BCOR: variants seen among roughly 807,000 people sequenced by gnomAD.
BCOR encodes the protein BCL6 corepressor, also known as BCL-6 corepressor.
In BCOR, 10 loss-of-function variants were observed where a neutral mutation model predicts 86.7. That is an observed-to-expected ratio of 0.12 (90% CI 0.07 to 0.20). BCOR has a LOEUF of 0.20. Among genes scored for constraint, BCOR ranks in the 10% least tolerant of loss-of-function variants. The pLI, the probability that BCOR is intolerant of heterozygous loss-of-function variation, is 1.00. For synonymous variants in BCOR, 611 were observed against 609.0 expected, an observed-to-expected ratio of 1.00 and a Z score of -0.05; for missense variants, 1,259 against 1,452.1, an observed-to-expected ratio of 0.87 and a Z score of 2.16.
chrX:40,156,693 A>G lies in BCOR; in HGVS notation c.-41+20314T>C, dbSNP rs192868654. Among the ~76,000 whole-genome samples the G allele has an allele frequency of 4.6e-3, 504 of 109,221 alleles. 2 individuals are homozygous for G. Among genetic ancestry groups the G allele is most frequent in the African/African-American group, 0.016 (481 of 29,738 alleles). 94.8% of individuals were successfully genotyped at this position (109,221 alleles called of 115,157 possible). The stretch of plus-strand genomic sequence containing the variant: ...CACGCAGCCCTTCGGGAGGGGAGTC[A>G]GGTTCACCTTTCCCCCTGCAACTTG... On this transcript the variant is annotated intron_variant, in intron 1 of 14. Coordinates refer to the BCOR transcript ENST00000342274.
At chrX:40,108,881 T>G in intron 1 of BCOR, among the ~76,000 whole-genome samples, 1 of 113,069 alleles carries the variant, frequency 8.8e-6, no homozygotes, top group East Asian at 2.8e-4. Flanking sequence ...TCGCTCTGGC[T>G]CCTCGGCTGC....
At chrX:40,133,171 T>G (rs1173385727) in intron 1 of BCOR, among the ~76,000 whole-genome samples, 1 of 102,742 alleles carries the variant, frequency 9.7e-6, no homozygotes, top group Non-Finnish European at 2.0e-5. Flanking sequence ...GGAGTCTCGC[T>G]CTGTCGCCCA....
rs186537965 is a variant in BCOR at position 40,056,168 on chromosome X, T to C, written c.4596-655A>G. On this transcript the variant is annotated intron_variant, in intron 11 of 14. Coordinates refer to ENST00000378444, the MANE Select transcript of BCOR (RefSeq NM_001123385.2). ...CCTAAGAAGGAAGTCAAGCCCAAAA[T>C]GAAAACATTTTCAACAAATTTAAGT... Among the ~76,000 whole-genome samples the C allele has an allele frequency of 4.7e-5, 5 of 106,670 alleles. No homozygotes were observed. In the Admixed American group the frequency reaches 5.1e-4, roughly 11 times the overall value. 92.6% of individuals were successfully genotyped at this position (106,670 alleles called of 115,157 possible). A position where few individuals can be genotyped will look rare whatever the true frequency, so the allele number is the denominator to read the frequency against.
chrX:40,122,043 A>G (rs1372115401), intron 1 of BCOR, among the ~76,000 whole-genome samples: 1 of 111,539 alleles, frequency 9.0e-6, no homozygotes, highest in Non-Finnish European at 1.9e-5. Context: ...TGCTTTCTCC[A>G]TGAACTCTTC....
Position 40,120,425 on chromosome X carries a change from C to A in BCOR, c.-40-42456G>T, listed in dbSNP as rs1196800808. Among the ~76,000 whole-genome samples the A allele has an allele frequency of 2.7e-5, 3 of 111,991 alleles. No individual in the cohort carries two copies. The Admixed American group carries it at 2.8e-4, about 11-fold the overall frequency. ...GAGAATCACCCTTGACCTCTCCAAT[C>A]CCTTCACTCCCCAAACCGACCCTTC... On this transcript the variant is annotated intron_variant, in intron 1 of 14. Transcript: ENST00000342274.
intron 1 of BCOR, among the ~76,000 whole-genome samples, chrX:40,113,087 GGATT>G (rs1466993170): frequency 9.4e-6 from 1 of 106,844 alleles, no homozygotes; most frequent in Non-Finnish European, 1.9e-5. Flanking sequence ...TCTTGGGCCT[GGATT>G]ATTATACAGG....
At chrX:40,120,285 C>T (rs1490326094) in intron 1 of BCOR, among the ~76,000 whole-genome samples, 1 of 111,239 alleles carries the variant, frequency 9.0e-6, no homozygotes, top group Admixed American at 9.6e-5. Context: ...ACAGCCTTTC[C>T]CCATTGTGGC....
At chrX:40,071,567 A>G (rs1935482175) in intron 5 of BCOR, 70 bp downstream of exon 5, 2 of 796,023 alleles carry the variant, frequency 2.5e-6, no homozygotes, top group South Asian at 2.2e-5. Context: ...TTCCCTTTGT[A>G]TATTTGGAAA....
intron 1 of BCOR, among the ~76,000 whole-genome samples, chrX:40,127,104 T>G (rs1937553326): frequency 8.9e-6 from 1 of 112,203 alleles, no homozygotes; most frequent in South Asian, 3.7e-4. Context: ...TCTCCATCTC[T>G]TCCTCGAGGA....
At chrX:40,139,478 TATATATATATATATATATA>T (rs1239560779) in intron 1 of BCOR, among the ~76,000 whole-genome samples, 2 of 12,062 alleles carry the variant, frequency 1.7e-4, no homozygotes. Flanking sequence ...TATATATATA[TATATATATATATATATATA>T]TTTTTTTTTT....
In BCOR at chrX:40,124,964, A is replaced by G. The variant is rs187233168; in HGVS notation, c.-40-46995T>C. 1.8e-4 allele frequency among the ~76,000 whole-genome samples: 16 copies of G among 91,140 alleles called. 1 individual carries two copies. The East Asian group carries it at 6.0e-3, about 34-fold the overall frequency. 79.1% of individuals were successfully genotyped at this position (91,140 alleles called of 115,157 possible). A position where few individuals can be genotyped will look rare whatever the true frequency, so the allele number is the denominator to read the frequency against. ...TAAGGGAGGCCGCCCTGGGAAAGAC[A>G]TTCTAGGCATCTTGTGGGGAGTGTT... On this transcript the variant is annotated intron_variant, in intron 1 of 14. Transcript: ENST00000342274.
intron 1 of BCOR, among the ~76,000 whole-genome samples, chrX:40,164,526 G>C (rs1215882094): frequency 1.8e-5 from 2 of 111,951 alleles, no homozygotes; most frequent in African/African-American, 3.3e-5. Context: ...ACAGTGACCT[G>C]TGTCTTCCTC....
At chrX:40,117,542 T>C (rs914008916) in intron 1 of BCOR, among the ~76,000 whole-genome samples, 1 of 101,387 alleles carries the variant, frequency 9.9e-6, no homozygotes, top group Non-Finnish European at 1.9e-5. Flanking sequence ...AGAAGTGGAA[T>C]ATGAATTATA....
chrX:40,070,592 C>T (rs980328712), intron 6 of BCOR, among the ~76,000 whole-genome samples: 4 of 111,750 alleles, frequency 3.6e-5, no homozygotes, highest in Non-Finnish European at 5.6e-5. Flanking sequence ...CCTACTTCAA[C>T]AACATCTATG....
At chrX:40,174,835 C>T (rs1296569396) in intron 1 of BCOR, among the ~76,000 whole-genome samples, 1 of 112,832 alleles carries the variant, frequency 8.9e-6, no homozygotes, top group Non-Finnish European at 1.9e-5. Flanking sequence ...ACCGTTTGAC[C>T]ACAGTTTCTC....
intron 1 of BCOR, among the ~76,000 whole-genome samples, 166 bp from the exon 2 acceptor site, chrX:40,078,135 C>T (rs776156035): frequency 8.0e-5 from 9 of 112,715 alleles, no homozygotes; most frequent in African/African-American, 2.9e-4. Flanking sequence ...ACACCTGACT[C>T]GAAGGGACAG....
intron 6 of BCOR, 30 bp from the exon 7 acceptor site, chrX:40,064,629 T>C (rs1474503825): frequency 8.3e-7 from 1 of 1,208,765 alleles, no homozygotes; most frequent in Non-Finnish European, 1.1e-6. Context: ...AGGGCATTAA[T>C]GAAGCCCGAA....
intron 6 of BCOR, among the ~76,000 whole-genome samples, chrX:40,069,121 GCATGCTGTA>G (rs1457996285): frequency 3.5e-5 from 4 of 112,716 alleles, no homozygotes; most frequent in Non-Finnish European, 7.5e-5. Flanking sequence ...CGGATCCAGC[GCATGCTGTA>G]CCCTGGATGA....
intron 1 of BCOR, among the ~76,000 whole-genome samples, chrX:40,117,960 T>TTCTCTCTCTC (rs747544385): frequency 1.0e-3 from 98 of 94,442 alleles, no homozygotes; most frequent in African/African-American, 4.1e-3. Context: ...CTCGCACTCT[T>TTCTCTCTCTC]TCTCTCTCTC....
Sources: allele counts gnomAD v4.1 joint callset (sites outside exome capture counted in the v4.1 genomes callset), GRCh38; gene constraint gnomAD v4.1.1; transcripts MANE v1.5; gene names NCBI Gene and HGNC (gene_info 2026-07-23, HGNC 2026-07-21).